PLEKHG3: variants seen among roughly 807,000 people sequenced by gnomAD.
PLEKHG3 encodes the protein pleckstrin homology and RhoGEF domain containing G3.
PLEKHG3 carries 62 observed loss-of-function variants against 94.9 expected under a neutral mutation model. The observed-to-expected ratio is 0.65, with a 90% CI of 0.53 to 0.81. PLEKHG3 has a LOEUF of 0.81. Among genes scored for constraint, PLEKHG3 ranks in the 30% least tolerant of loss-of-function variants. The pLI, the probability that PLEKHG3 is intolerant of heterozygous loss-of-function variation, is 0.00. For synonymous variants in PLEKHG3, 614 were observed against 654.0 expected, an observed-to-expected ratio of 0.94 and a Z score of 0.93; for missense variants, 1,461 against 1,619.3, an observed-to-expected ratio of 0.90 and a Z score of 1.68.
At position 64,725,882 on chromosome 14, in the gene PLEKHG3, C is replaced by T. The variant is rs2081342906; in HGVS notation, c.-39-1711C>T. The stretch of plus-strand genomic sequence containing the variant: ...TCAGTAAAAGCATCAGTTTGTTCAC[C>T]ATTGTTGTTCATTTGTTAAATTGGC... On this transcript the variant is annotated intron_variant, in intron 1 of 16. Transcript: ENST00000247226. The surrounding 1 kb of genome is among the most constrained non-coding windows in gnomAD (Gnocchi z 5.0). 6.6e-6 allele frequency among the ~76,000 whole-genome samples: 1 copy of T among 152,146 alleles called. No homozygotes were observed. The highest frequency in any genetic ancestry group is 2.4e-5 in the African/African-American group (1 of 41,426).
At position 64,715,846 on chromosome 14, in the gene PLEKHG3, C is replaced by T; in HGVS notation, c.-40+11142C>T. ...AGTTGCATTTCCTGGGCTAGGGCCC[C>T]CCAGCAATCAGGAATGAGAGAAATG... On this transcript the variant is annotated intron_variant, in intron 1 of 16. Coordinates refer to ENST00000247226, the MANE Select transcript of PLEKHG3 (RefSeq NM_001308147.2). This position sits in a 1 kb window ranked among gnomAD's most constrained non-coding sequence, Gnocchi z 4.4. 1 of 344,396 alleles carries T rather than the reference C, an allele frequency of 2.9e-6. No individual in the cohort carries two copies. The highest frequency in any genetic ancestry group is 5.8e-6 in the Non-Finnish European group (1 of 173,178). 21.3% of individuals were successfully genotyped at this position (344,396 alleles called of 1,614,324 possible).
intron 16 of PLEKHG3, 50 bp from the exon 17 acceptor site, chr14:64,742,932 A>C (rs1566719716): frequency 1.2e-6 from 2 of 1,601,964 alleles, no homozygotes; most frequent in Non-Finnish European, 1.7e-6. Context: ...ACCCCCTTGC[A>C]GCTCTGCCCT....
Position 64,725,669 on chromosome 14 carries a change from TGCACTGGGCTGCGGAGGGGA to T in PLEKHG3, c.-39-1911_-39-1892del, listed in dbSNP as rs2081337393. Among the ~76,000 whole-genome samples the T allele has an allele frequency of 1.3e-5, 2 of 152,320 alleles. No individual in the cohort carries two copies. Among genetic ancestry groups the T allele is most frequent in the Admixed American group, 6.5e-5 (1 of 15,294 alleles). On this transcript the variant is annotated intron_variant, in intron 1 of 16. Transcript: ENST00000247226. The surrounding 1 kb of genome is among the most constrained non-coding windows in gnomAD (Gnocchi z 5.0). Reference sequence around the variant, plus strand: ...TCCTGCTAATTAGCCCTCTGGGCATTGCACTGGGCTGCGGAGGGGAGCACTGGGCTGCCACTGAGTCCCCA... The same window carrying T: ...TCCTGCTAATTAGCCCTCTGGGCATTGCACTGGGCTGCCACTGAGTCCCCA...
At chr14:64,733,354 T>C (rs748510854) in intron 12 of PLEKHG3, among the ~76,000 whole-genome samples, 2 of 148,668 alleles carry the variant, frequency 1.3e-5, no homozygotes, top group African/African-American at 2.6e-5. Context: ...TTAGTAGAGA[T>C]GGGATTTCAC....
chr14:64,705,209 G>T (rs1458041869), intron 1 of PLEKHG3, among the ~76,000 whole-genome samples: 1 of 152,224 alleles, frequency 6.6e-6, no homozygotes, highest in Non-Finnish European at 1.5e-5. Context: ...GGAGGAGAGT[G>T]GGGGCCAGAA....
In PLEKHG3 at chr14:64,738,533, G is replaced by A. The variant is rs1313889689; in HGVS notation, c.1405-209G>A. ...CCACTTTGGAGGGACAGAAAGGTGG[G>A]CTGAGGTTTTTTGAAGCTGCATGCC... On this transcript the variant is annotated intron_variant, in intron 14 of 16. Coordinates refer to ENST00000247226, the MANE Select transcript of PLEKHG3 (RefSeq NM_001308147.2). The surrounding 1 kb of genome is among the most constrained non-coding windows in gnomAD (Gnocchi z 4.8). Among the ~76,000 whole-genome samples, 3 of 152,222 alleles carry A rather than the reference G, an allele frequency of 2.0e-5. No homozygotes were observed. Among genetic ancestry groups the A allele is most frequent in the Admixed American group, 6.5e-5 (1 of 15,288 alleles).
chr14:64,740,980 C>G (rs2081673691), intron 15 of PLEKHG3, 56 bp from the exon 16 acceptor site: 2 of 1,425,810 alleles, frequency 1.4e-6, no homozygotes, highest in Non-Finnish European at 1.9e-6. Context: ...CCCTTGTTCC[C>G]CGGATCCCAT....
chr14:64,724,596 C>T (rs780408566), intron 1 of PLEKHG3, among the ~76,000 whole-genome samples: 18 of 152,226 alleles, frequency 1.2e-4, no homozygotes, highest in Non-Finnish European at 1.9e-4. Flanking sequence ...GGCCAAAGGT[C>T]ACATAGTAGC....
rs768678695 is a variant in PLEKHG3 at position 64,726,776 on chromosome 14, G to A, written c.-39-817G>A. Among the ~76,000 whole-genome samples, 10 of 152,218 alleles carry A rather than the reference G, an allele frequency of 6.6e-5. No homozygotes were observed. The highest frequency in any genetic ancestry group is 1.3e-4 in the Non-Finnish European group (9 of 68,032). ...TCAGAGGCAGCCTGTACCAGGTGCT[G>A]GGGTGGGGCTGCGGAGTCGGGGGAT... On this transcript the variant is annotated intron_variant, in intron 1 of 16. Transcript: ENST00000247226. The surrounding 1 kb of genome is among the most constrained non-coding windows in gnomAD (Gnocchi z 5.1).
chr14:64,741,538 G>A lies in PLEKHG3; in HGVS notation c.2021G>A (p.Gly674Glu). Residue 674 changes from glycine to glutamate, a missense_variant, in exon 16 of 17, where the codon GGG (glycine) becomes GAG (glutamate). Physicochemically the swap from Gly to Glu is moderately conservative, Grantham distance 98. Coordinates refer to ENST00000247226, the MANE Select transcript of PLEKHG3 (RefSeq NM_001308147.2). ...TCCCCAGAAGTGGACATCAGTGTGG[G>A]GGTGGCCACAGAGGACAGCCCTTCT... ...QLSPEVDISV[G>E]VATEDSPSVN... 6.2e-7 allele frequency: 1 copy of A among 1,612,970 alleles called. No individual in the cohort carries two copies. The highest frequency in any genetic ancestry group is 8.5e-7 in the Non-Finnish European group (1 of 1,180,024).
chr14:64,738,595 A>C lies in PLEKHG3; in HGVS notation c.1405-147A>C. 1 of 645,748 alleles carries C rather than the reference A, an allele frequency of 1.5e-6. No homozygotes were observed. The highest frequency in any genetic ancestry group is 2.8e-6 in the Non-Finnish European group (1 of 360,980). The allele number at this position is 645,748 out of a possible 1,614,324, so 40.0% of individuals were successfully genotyped here. A position where few individuals can be genotyped will look rare whatever the true frequency, so the allele number is the denominator to read the frequency against. The stretch of plus-strand genomic sequence containing the variant: ...TCCGCAGCCCCAGGCCTGGCAGTTC[A>C]GGTTGGCTCTGGAATGGCTCAGGTC... On this transcript the variant is annotated intron_variant, in intron 14 of 16. Coordinates refer to ENST00000247226, the MANE Select transcript of PLEKHG3 (RefSeq NM_001308147.2). This position sits in a 1 kb window ranked among gnomAD's most constrained non-coding sequence, Gnocchi z 4.8.
chr14:64,749,374 C>A lies in PLEKHG3; in HGVS notation c.*5671C>A. The A allele has an allele frequency of 6.2e-7, 1 of 1,610,348 alleles. No homozygotes were observed. ...TTCTTGCCGAGGCTGGCGTCGGGGC[C>A]GGAGAGGGAAGGCAGGGGCAGGCTC... On this transcript the variant is annotated 3_prime_UTR_variant, in exon 17 of 17. Coordinates refer to ENST00000247226, the MANE Select transcript of PLEKHG3 (RefSeq NM_001308147.2). This position sits in a 1 kb window ranked among gnomAD's most constrained non-coding sequence, Gnocchi z 4.7.
In PLEKHG3 at chr14:64,731,751, C is replaced by T. The variant is rs1056792879; in HGVS notation, c.1070C>T (p.Ser357Phe). Residue 357 changes from serine (S) to phenylalanine (F), a missense_variant, in exon 9 of 17, where the codon TCC becomes TTC. Ser to Phe is a radical substitution (Grantham distance 155, BLOSUM62 -2). Transcript: ENST00000247226. This position sits in a 1 kb window ranked among gnomAD's most constrained non-coding sequence, Gnocchi z 6.1. ...ATGCTGATCGAAAGCACCAGAGACT[C>T]CCTGTGCTTCACTGTCACCCACTAC... ...SLMLIESTRD[S>F]LCFTVTHYKH... is the part of the protein sequence containing the mutation. 1.9e-6 allele frequency: 3 copies of T among 1,613,666 alleles called. No homozygotes were observed. The highest frequency in any genetic ancestry group is 2.5e-6 in the Non-Finnish European group (3 of 1,179,684).
In PLEKHG3 at chr14:64,732,305, C is replaced by T; in HGVS notation, c.1213-122C>T. ...CAGTGGACAGTGAGTGTCAGTACAG[C>T]AGATGCCCCGGGCCTTGGTGCAGCA... On this transcript the variant is annotated intron_variant, in intron 10 of 16. Transcript: ENST00000247226. The surrounding 1 kb of genome is among the most constrained non-coding windows in gnomAD (Gnocchi z 4.9). 8.2e-7 allele frequency: 1 copy of T among 1,219,380 alleles called. No individual in the cohort carries two copies. Among genetic ancestry groups the T allele is most frequent in the African/African-American group, 1.5e-5 (1 of 67,352 alleles). The allele number at this position is 1,219,380 out of a possible 1,614,324, so 75.5% of individuals were successfully genotyped here.
chr14:64,732,410 G>A lies in PLEKHG3; in HGVS notation c.1213-17G>A. 6.2e-7 allele frequency: 1 copy of A among 1,611,056 alleles called. No individual in the cohort carries two copies. The highest frequency in any genetic ancestry group is 8.5e-7 in the Non-Finnish European group (1 of 1,177,214). On this transcript the variant is annotated splice_polypyrimidine_tract_variant and intron_variant, in intron 10 of 16. Transcript: ENST00000247226. This position sits in a 1 kb window ranked among gnomAD's most constrained non-coding sequence, Gnocchi z 4.9. ...ACATGGTAAGGTAATAACCAGGTGT[G>A]TTTCCTTCCCCTTCAGGCCAAGGAA...
Position 64,727,032 on chromosome 14 carries a change from T to G in PLEKHG3, c.-39-561T>G, listed in dbSNP as rs1334305385. Among the ~76,000 whole-genome samples the G allele has an allele frequency of 6.6e-6, 1 of 152,164 alleles. No homozygotes were observed. The highest frequency in any genetic ancestry group is 1.5e-5 in the Non-Finnish European group (1 of 68,020). On this transcript the variant is annotated intron_variant, in intron 1 of 16. Coordinates refer to ENST00000247226, the MANE Select transcript of PLEKHG3 (RefSeq NM_001308147.2). The surrounding 1 kb of genome is among the most constrained non-coding windows in gnomAD (Gnocchi z 6.0). The stretch of plus-strand genomic sequence containing the variant: ...ACAACTGCCATTATTATCACCATAT[T>G]GATGGTGTATGGAGCACGTACCCTA...
Position 64,738,632 on chromosome 14 carries a change from C to T in PLEKHG3, c.1405-110C>T. On this transcript the variant is annotated intron_variant, in intron 14 of 16. Coordinates refer to ENST00000247226, the MANE Select transcript of PLEKHG3 (RefSeq NM_001308147.2). The surrounding 1 kb of genome is among the most constrained non-coding windows in gnomAD (Gnocchi z 4.8). ...GAATGGCTCAGGTCCAAGACTGGCTCTCAGCTCAGCCCAGCCCCTTGGGGC... is the reference window on the plus strand; with the variant it reads ...GAATGGCTCAGGTCCAAGACTGGCTTTCAGCTCAGCCCAGCCCCTTGGGGC... The T allele has an allele frequency of 1.3e-6, 1 of 795,850 alleles. No homozygotes were observed. The highest frequency in any genetic ancestry group is 2.4e-4 in the Middle Eastern group (1 of 4,228). 49.3% of individuals were successfully genotyped at this position (795,850 alleles called of 1,614,324 possible). A position where few individuals can be genotyped will look rare whatever the true frequency, so the allele number is the denominator to read the frequency against.
rs200184180 is a variant in PLEKHG3 at position 64,732,497 on chromosome 14, C to G, written c.1246+37C>G. 1 of 1,580,478 alleles carries G rather than the reference C, an allele frequency of 6.3e-7. No individual in the cohort carries two copies. The highest frequency in any genetic ancestry group is 2.2e-5 in the East Asian group (1 of 44,754). Reference sequence around the variant, plus strand: ...CTTTTCTGCCTGTTTTGTCCCTAATCGTGCACATTGCTAGGTCAGGCTGCA... The same window carrying G: ...CTTTTCTGCCTGTTTTGTCCCTAATGGTGCACATTGCTAGGTCAGGCTGCA... On this transcript the variant is annotated intron_variant, in intron 11 of 16. Coordinates refer to ENST00000247226, the MANE Select transcript of PLEKHG3 (RefSeq NM_001308147.2). This position sits in a 1 kb window ranked among gnomAD's most constrained non-coding sequence, Gnocchi z 4.9.
Position 64,727,724 on chromosome 14 carries a change from C to T in PLEKHG3, c.93C>T (p.Asp31=), listed in dbSNP as rs1435269597. The T allele has an allele frequency of 1.9e-6, 3 of 1,612,106 alleles. No individual in the cohort carries two copies. Among genetic ancestry groups the T allele is most frequent in the Admixed American group, 1.7e-5 (1 of 59,956 alleles). The change falls in exon 2 of 17, where the codon GAC becomes GAT. Residue 31 remains aspartate, a synonymous_variant. Coordinates refer to ENST00000247226, the MANE Select transcript of PLEKHG3 (RefSeq NM_001308147.2). This position sits in a 1 kb window ranked among gnomAD's most constrained non-coding sequence, Gnocchi z 6.0. ...CCTCCTCGTCGGGCTCCTCCTGTGA[C>T]AGTCGCAGTGCCATGGAGGAGCCCA... ...STTSSSGSSC[D]SRSAMEEPSS... is the part of the protein sequence containing the mutation.
Sources: allele counts gnomAD v4.1 joint callset (sites outside exome capture counted in the v4.1 genomes callset), GRCh38; gene constraint gnomAD v4.1.1; non-coding constraint Gnocchi (gnomAD v3.1); transcripts MANE v1.5; gene names NCBI Gene and HGNC (gene_info 2026-07-23, HGNC 2026-07-21).